Variants in ARV1 observed in about 807,000 individuals in gnomAD.
ARV1 encodes the protein ARV1 fatty acid homeostasis modulator, also known as protein ARV1.
A neutral mutation model predicts 31.1 loss-of-function variants in ARV1; 26 were observed. The ratio of observed to expected loss-of-function variants is 0.84; its 90% CI spans 0.61 to 1.16. ARV1 has a LOEUF of 1.16. ARV1 is among the 50% of genes most tolerant of loss of function. The pLI, the probability that ARV1 is intolerant of heterozygous loss-of-function variation, is 0.00. For synonymous variants in ARV1, 117 were observed against 123.2 expected, an observed-to-expected ratio of 0.95 and a Z score of 0.34; for missense variants, 281 against 324.9, an observed-to-expected ratio of 0.86 and a Z score of 1.04.
intron 3 of ARV1, among the ~76,000 whole-genome samples, chr1:230,994,480 A>G (rs1280335711): frequency 1.3e-5 from 2 of 152,118 alleles, no homozygotes; most frequent in African/African-American, 4.8e-5. Flanking sequence ...GTTATTTTGA[A>G]GGGAGATAGC....
chr1:230,987,089 G>A (rs1386826178), intron 1 of ARV1, among the ~76,000 whole-genome samples: 2 of 151,866 alleles, frequency 1.3e-5, no homozygotes, highest in Admixed American at 1.3e-4. Context: ...CTCATGCTTT[G>A]GGGCTATTAT....
chr1:230,989,582 T>C (rs1417578758), intron 2 of ARV1, among the ~76,000 whole-genome samples: 2 of 152,332 alleles, frequency 1.3e-5, no homozygotes, highest in South Asian at 2.1e-4. Context: ...TTTTAACATA[T>C]TGAGTCATAC....
chr1:230,985,921 A>ATTT (rs5781616), intron 1 of ARV1, among the ~76,000 whole-genome samples: 14,780 of 148,206 alleles, frequency 0.1, 753 homozygotes, highest in Middle Eastern at 0.22. Flanking sequence ...ATTAAGCAGA[A>ATTT]TTTTTTTTTT....
chr1:230,979,172 CCTA>C lies in ARV1; in HGVS notation c.70_72del (p.Thr24del). ...GAACGTGGATGGGGTGGCAGCGACT[CCTA>C]CTGCTGCCTCGGCCTCCTGCCAGTA... is the stretch of plus-strand genomic sequence containing the variant. On this transcript the variant is annotated inframe_deletion, in exon 1 of 6. Transcript: ENST00000310256. The C allele has an allele frequency of 6.2e-7, 1 of 1,613,144 alleles. No homozygotes were observed. The highest frequency in any genetic ancestry group is 8.5e-7 in the Non-Finnish European group (1 of 1,179,622).
chr1:230,979,231 A>G lies in ARV1; in HGVS notation c.126A>G (p.Lys42=), dbSNP rs770289828. 1 of 1,613,640 alleles carries G rather than the reference A, an allele frequency of 6.2e-7. No homozygotes were observed. The highest frequency in any genetic ancestry group is 1.1e-5 in the South Asian group (1 of 90,956). ...GCATCGAATGCAACCAGGAGGCCAA[A>G]GAGTTGTACCGAGACTATAACCACG... The part of the protein sequence containing the change: ...YRCIECNQEA[K]ELYRDYNHGV... Residue 42 remains lysine (K), a synonymous_variant, in exon 1 of 6, where the codon AAA becomes AAG. Coordinates refer to ENST00000310256, the MANE Select transcript of ARV1 (RefSeq NM_022786.3).
intron 3 of ARV1, among the ~76,000 whole-genome samples, chr1:230,992,085 T>C (rs1679244615): frequency 6.6e-6 from 1 of 152,222 alleles, no homozygotes; most frequent in African/African-American, 2.4e-5. Context: ...AGAGTAGTCC[T>C]TTTCAACCAA....
intron 1 of ARV1, among the ~76,000 whole-genome samples, chr1:230,987,142 T>C (rs886892808): frequency 8.5e-5 from 13 of 152,306 alleles, no homozygotes; most frequent in Non-Finnish European, 1.9e-4. Flanking sequence ...ACTGCAGTAC[T>C]GCAATCCTCA....
intron 1 of ARV1, among the ~76,000 whole-genome samples, chr1:230,986,433 A>G (rs1162942933): frequency 1.3e-5 from 2 of 152,144 alleles, no homozygotes; most frequent in Non-Finnish European, 1.5e-5. Context: ...TAATGTAATT[A>G]AAAGGCCAGC....
chr1:230,983,969 A>AT, intron 1 of ARV1, among the ~76,000 whole-genome samples: 1 of 152,362 alleles, frequency 6.6e-6, no homozygotes, highest in Middle Eastern at 3.4e-3. Context: ...AGGCGTGATG[A>AT]TTCACACCTA....
intron 1 of ARV1, among the ~76,000 whole-genome samples, chr1:230,981,315 A>G (rs1454163021): frequency 1.3e-5 from 2 of 152,192 alleles, no homozygotes; most frequent in African/African-American, 4.8e-5. Context: ...TGAACTCCAG[A>G]CTTAAATGTC....
rs1191353620 is a variant in ARV1 at position 230,984,363 on chromosome 1, C to CGCGCGCGTGCGT, written c.175-3956_175-3955insCGCGCGTGCGTG. 3.1e-5 allele frequency among the ~76,000 whole-genome samples: 4 copies of CGCGCGCGTGCGT among 129,840 alleles called. No individual in the cohort carries two copies. The South Asian group carries it at 1.1e-3, about 35-fold the overall frequency. The allele number at this position is 129,840 out of a possible 152,430, so 85.2% of individuals were successfully genotyped here. Reference sequence around the variant, plus strand: ...TGTTTCGTGTGTGTGTGTGTGTGTGCGTGTGTGTGTGTGTGTGTGTGTGTG... The same window carrying CGCGCGCGTGCGT: ...TGTTTCGTGTGTGTGTGTGTGTGTGCGCGCGCGTGCGTGTGTGTGTGTGTGTGTGTGTGTGTG... On this transcript the variant is annotated intron_variant, in intron 1 of 5. Transcript: ENST00000310256.
chr1:230,993,756 A>G (rs949171567), intron 3 of ARV1, among the ~76,000 whole-genome samples: 1 of 152,128 alleles, frequency 6.6e-6, no homozygotes. Flanking sequence ...TTAGCTGGGC[A>G]TGGTGGCATG....
At chr1:230,979,832 A>G (rs1678796330) in intron 1 of ARV1, among the ~76,000 whole-genome samples, 1 of 152,124 alleles carries the variant, frequency 6.6e-6, no homozygotes, top group South Asian at 2.1e-4. Flanking sequence ...TCCATCTCAG[A>G]GTTAAGGCCC....
intron 5 of ARV1, among the ~76,000 whole-genome samples, chr1:230,997,721 G>C (rs1294315771): frequency 1.3e-5 from 2 of 152,112 alleles, no homozygotes; most frequent in African/African-American, 2.4e-5. Flanking sequence ...CCTATAGGCT[G>C]TGTTGTGCTC....
chr1:230,995,657 A>G, intron 3 of ARV1, 103 bp from the exon 4 acceptor site: 1 of 793,820 alleles, frequency 1.3e-6, no homozygotes, highest in Non-Finnish European at 2.0e-6. Flanking sequence ...TTTCTTATGA[A>G]GTCAGCTGAT....
intron 5 of ARV1, among the ~76,000 whole-genome samples, chr1:230,998,173 T>C (rs927297356): frequency 6.6e-6 from 1 of 152,194 alleles, no homozygotes; most frequent in African/African-American, 2.4e-5. Context: ...AGACTGTGGA[T>C]GGCAGCCTCT....
intron 5 of ARV1, 200 bp from the exon 6 acceptor site, chr1:230,999,938 T>C (rs1477685304): frequency 6.6e-6 from 1 of 152,212 alleles, no homozygotes; most frequent in Non-Finnish European, 1.5e-5. Flanking sequence ...ATCTCATGTT[T>C]TATACTTATC....
intron 2 of ARV1, among the ~76,000 whole-genome samples, chr1:230,989,495 A>AT (rs1486022319): frequency 3.3e-5 from 5 of 152,208 alleles, no homozygotes; most frequent in African/African-American, 9.7e-5. Context: ...CATAGAAAAA[A>AT]GCCAATTTTT....
chr1:230,980,003 A>G (rs1678810393), intron 1 of ARV1, among the ~76,000 whole-genome samples: 1 of 152,232 alleles, frequency 6.6e-6, no homozygotes, highest in Non-Finnish European at 1.5e-5. Context: ...AATAGACAGT[A>G]CATTTTTGTC....
Sources: gnomAD v4.1 joint callset for allele counts (sites outside exome capture counted in the v4.1 genomes callset) on GRCh38, gnomAD v4.1.1 for gene constraint, MANE v1.5 for transcripts, NCBI Gene and HGNC (gene_info 2026-07-23, HGNC 2026-07-21) for gene names.